SPEG: variants seen among roughly 807,000 people sequenced by gnomAD.
SPEG encodes the protein striated muscle enriched protein kinase.
Under a neutral mutation model 300.4 loss-of-function variants are expected in SPEG, and 114 were observed. That is an observed-to-expected ratio of 0.38 (90% CI 0.33 to 0.44). The LOEUF is 0.44. Among genes scored for constraint, SPEG ranks in the 20% least tolerant of loss-of-function variants. The probability of loss-of-function intolerance (pLI) is 1.00; values close to 1 mark genes in which losing one functional copy is unlikely to be tolerated. For missense variants in SPEG, 4,201 were observed against 4,586.2 expected (o/e 0.92, Z 2.43); for synonymous variants, 1,964 against 2,018.9 (o/e 0.97, Z 0.73).
intron 1 of SPEG, among the ~76,000 whole-genome samples, chr2:219,440,973 G>A (rs1263569624): frequency 1.3e-5 from 2 of 152,228 alleles, no homozygotes; most frequent in East Asian, 3.8e-4. Context: ...GAACCTGTAT[G>A]GCTTTGACTA....
intron 1 of SPEG, among the ~76,000 whole-genome samples, chr2:219,437,615 A>C (rs952727631): frequency 2.6e-5 from 4 of 151,736 alleles, no homozygotes; most frequent in Non-Finnish European, 1.5e-5. Context: ...GATTGTGTAG[A>C]TAGAAGGTGG....
intron 1 of SPEG, chr2:219,441,382 G>A (rs1037974860): frequency 2.7e-6 from 1 of 374,720 alleles, no homozygotes; most frequent in African/African-American, 2.1e-5. Flanking sequence ...TGGCTTTCTT[G>A]AGAAGCCTTA....
At position 219,451,744 on chromosome 2, in the gene SPEG, A is replaced by G; in HGVS notation, c.2377A>G (p.Met793Val). The part of the protein sequence containing the change: ...EARAADAGSY[M>V]ATATNELGQA... ...CAGGGCAGCAGATGCCGGGAGCTAT[A>G]TGGCCACCGCCACCAACGAGCTGGG... The change falls in exon 6 of 41, where the codon ATG becomes GTG. Residue 793 changes from methionine to valine, a missense_variant. Coordinates refer to ENST00000312358, the MANE Select transcript of SPEG (RefSeq NM_005876.5). The surrounding 1 kb of genome is among the most constrained non-coding windows in gnomAD (Gnocchi z 6.4). 28 of 1,559,486 alleles carry G rather than the reference A, an allele frequency of 1.8e-5. No individual in the cohort carries two copies. Among genetic ancestry groups the G allele is most frequent in the East Asian group, 2.4e-5 (1 of 41,574 alleles).
At position 219,481,244 on chromosome 2, in the gene SPEG, C is replaced by T; in HGVS notation, c.5370-60C>T. On this transcript the variant is annotated intron_variant, in intron 26 of 40. Transcript: ENST00000312358. This position sits in a 1 kb window ranked among gnomAD's most constrained non-coding sequence, Gnocchi z 5.4. ...TCCATCTGTCCCCAGCCCTGTGCCCCCACTGACATTCCCCTTTGTCCCCGC... is the reference window on the plus strand; with the variant it reads ...TCCATCTGTCCCCAGCCCTGTGCCCTCACTGACATTCCCCTTTGTCCCCGC... 2.6e-6 allele frequency: 4 copies of T among 1,564,896 alleles called. No individual in the cohort carries two copies. The highest frequency in any genetic ancestry group is 3.5e-6 in the Non-Finnish European group (4 of 1,144,588).
Position 219,484,718 on chromosome 2 carries a change from C to T in SPEG, c.7255C>T (p.Arg2419Trp), listed in dbSNP as rs938883935. 4.0e-6 allele frequency: 6 copies of T among 1,500,094 alleles called. No individual in the cohort carries two copies. In the South Asian group the frequency reaches 7.5e-5, roughly 19 times the overall value. 92.9% of individuals were successfully genotyped at this position (1,500,094 alleles called of 1,614,324 possible). ...GCTGTCACTGTCCCAGCGGCTGCGGCGGACCCCTCCCGCGCAGCGCCACCC... is the reference window on the plus strand; with the variant it reads ...GCTGTCACTGTCCCAGCGGCTGCGGTGGACCCCTCCCGCGCAGCGCCACCC... Reference protein sequence around the residue: ...LSLSLSQRLRRTPPAQRHPAW... With the variant: ...LSLSLSQRLRWTPPAQRHPAW... Residue 2419 changes from arginine (R) to tryptophan (W), a missense_variant, in exon 30 of 41, where the codon CGG becomes TGG. Coordinates refer to ENST00000312358, the MANE Select transcript of SPEG (RefSeq NM_005876.5).
In SPEG at chr2:219,477,646, C is replaced by T; in HGVS notation, c.4730-43C>T. On this transcript the variant is annotated intron_variant, in intron 20 of 40. Transcript: ENST00000312358. This position sits in a 1 kb window ranked among gnomAD's most constrained non-coding sequence, Gnocchi z 6.4. ...CCTGTCCCAGTCTCTGGCCTGCTTG[C>T]TTTCTTCCCCTCCCACCTAACACCA... 2 of 1,503,482 alleles carry T rather than the reference C, an allele frequency of 1.3e-6. No homozygotes were observed. The highest frequency in any genetic ancestry group is 1.8e-6 in the Non-Finnish European group (2 of 1,112,434). The allele number at this position is 1,503,482 out of a possible 1,614,324, so 93.1% of individuals were successfully genotyped here.
rs1247111993 is a variant in SPEG at position 219,459,658 on chromosome 2, C to T, written c.2441-2224C>T. ...TGCTTCCGTTCCCAGTCCCTGGGCC[C>T]GTGAGCCTCCTCAGTACTGTCCAGC... On this transcript the variant is annotated intron_variant, in intron 6 of 40. Transcript: ENST00000312358. This position sits in a 1 kb window ranked among gnomAD's most constrained non-coding sequence, Gnocchi z 4.9. Among the ~76,000 whole-genome samples, 1 of 152,218 alleles carries T rather than the reference C, an allele frequency of 6.6e-6. No individual in the cohort carries two copies. The highest frequency in any genetic ancestry group is 2.4e-5 in the African/African-American group (1 of 41,450).
At chr2:219,478,634 G>A (rs56194370) in intron 22 of SPEG, among the ~76,000 whole-genome samples, 1 of 152,162 alleles carries the variant, frequency 6.6e-6, no homozygotes, top group Non-Finnish European at 1.5e-5. Context: ...TAAGGATGCT[G>A]GGTGATTGGC....
chr2:219,474,086 A>C, intron 18 of SPEG, 183 bp downstream of exon 18: 1 of 644,286 alleles, frequency 1.6e-6, no homozygotes, highest in South Asian at 2.4e-5. Flanking sequence ...TCATACTAAC[A>C]AGATTTATTG....
Position 219,435,176 on chromosome 2 carries a change from A to G in SPEG, c.199A>G (p.Ser67Gly). ...CGACGTGCGGCTGCGGGTGGTGGTG[A>G]GCGGGACGCCCCAGCCCAGCCTCCG... ...GSDVRLRVVV[S>G]GTPQPSLRWF... Residue 67 changes from serine (S) to glycine (G), a missense_variant, in exon 1 of 41, where the codon AGC (serine) becomes GGC (glycine). Around this residue, in one of 4 missense-constraint regions of SPEG, gnomAD observed 1,258 missense variants for 1,293.9 expected, o/e 0.97. Transcript: ENST00000312358. The G allele has an allele frequency of 1.4e-6, 2 of 1,477,990 alleles. No individual in the cohort carries two copies. Among genetic ancestry groups the G allele is most frequent in the Non-Finnish European group, 1.8e-6 (2 of 1,123,884 alleles). 91.6% of individuals were successfully genotyped at this position (1,477,990 alleles called of 1,614,324 possible).
chr2:219,448,393 G>T lies in SPEG; in HGVS notation c.1235G>T (p.Arg412Leu). ...DKLQFFEERR[R>L]SLERSDSPPA... Reference sequence around the variant, plus strand: ...CTGCAGTTCTTCGAGGAGCGACGGCGCAGCCTGGAGCGCAGCGACTCGCCG... The same window carrying T: ...CTGCAGTTCTTCGAGGAGCGACGGCTCAGCCTGGAGCGCAGCGACTCGCCG... The change falls in exon 4 of 41, where the codon CGC (arginine) becomes CTC (leucine). Residue 412 changes from arginine (R) to leucine (L), a missense_variant. Physicochemically the swap from Arg to Leu is moderately radical, Grantham distance 102 (BLOSUM62 -2). Coordinates refer to ENST00000312358, the MANE Select transcript of SPEG (RefSeq NM_005876.5). The T allele has an allele frequency of 2.6e-6, 4 of 1,540,436 alleles. No homozygotes were observed. The highest frequency in any genetic ancestry group is 2.0e-4 in the Middle Eastern group (1 of 5,088).
In SPEG at chr2:219,458,928, G is replaced by A. The variant is rs1038328869; in HGVS notation, c.2441-2954G>A. Among the ~76,000 whole-genome samples, 1 of 152,190 alleles carries A rather than the reference G, an allele frequency of 6.6e-6. No individual in the cohort carries two copies. The highest frequency in any genetic ancestry group is 2.4e-5 in the African/African-American group (1 of 41,438). ...CATTCTGAGAAGCCCTGAAGCAAAG[G>A]GCTGTGTGCGACACCTTTTATGTAC... On this transcript the variant is annotated intron_variant, in intron 6 of 40. Coordinates refer to ENST00000312358, the MANE Select transcript of SPEG (RefSeq NM_005876.5). The surrounding 1 kb of genome is among the most constrained non-coding windows in gnomAD (Gnocchi z 4.2).
In SPEG at chr2:219,489,574, G is replaced by T. The variant is rs756182662; in HGVS notation, c.8556G>T (p.Leu2852=). 1 of 1,613,536 alleles carries T rather than the reference G, an allele frequency of 6.2e-7. No individual in the cohort carries two copies. Among genetic ancestry groups the T allele is most frequent in the South Asian group, 1.1e-5 (1 of 91,052 alleles). ...CCCCTCCACGAAGACACAGGGGCCT[G>T]CAGGCTGCCCGGCCAGCGGAGCCCA... ...PQTPPRRHRG[L]QAARPAEPTL... is the part of the protein sequence containing the mutation. Residue 2852 remains leucine, a synonymous_variant, in exon 36 of 41, where the codon CTG becomes CTT. Transcript: ENST00000312358.
intron 40 of SPEG, 88 bp downstream of exon 40, chr2:219,492,348 C>T (rs756305273): frequency 2.1e-6 from 3 of 1,439,490 alleles, no homozygotes; most frequent in Admixed American, 1.9e-5. Context: ...TCCCCTGCTC[C>T]TAGGAAGAAG....
rs1016379404 is a variant in SPEG at position 219,444,286 on chromosome 2, C to T, written c.389-367C>T. ...GACTTTAGAGCCTTGGAACCTAGGA[C>T]CTGATGATTTTGGGGCTGCACAGGG... On this transcript the variant is annotated intron_variant, in intron 1 of 40. Coordinates refer to ENST00000312358, the MANE Select transcript of SPEG (RefSeq NM_005876.5). This position sits in a 1 kb window ranked among gnomAD's most constrained non-coding sequence, Gnocchi z 7.8. Among the ~76,000 whole-genome samples, 2 of 152,128 alleles carry T rather than the reference C, an allele frequency of 1.3e-5. No individual in the cohort carries two copies. Among genetic ancestry groups the T allele is most frequent in the Non-Finnish European group, 2.9e-5 (2 of 68,034 alleles).
rs765353394 is a variant in SPEG, at chr2:219,484,191, C to G, written c.6728C>G (p.Thr2243Arg). The G allele has an allele frequency of 5.0e-6, 8 of 1,612,688 alleles. No homozygotes were observed. Among genetic ancestry groups the G allele is most frequent in the Middle Eastern group, 1.6e-4 (1 of 6,084 alleles). ...CTGCAAACCCTAGCGCTGCCCCTCACACCCTATGCTCAGATCATTCAGTCC... is the reference window on the plus strand; with the variant it reads ...CTGCAAACCCTAGCGCTGCCCCTCAGACCCTATGCTCAGATCATTCAGTCC... ...QALQTLALPL[T>R]PYAQIIQSLQ... is the part of the protein sequence containing the mutation. The change falls in exon 30 of 41, where the codon ACA becomes AGA. Residue 2243 changes from threonine to arginine, a missense_variant. Physicochemically the swap from Thr to Arg is moderately conservative, Grantham distance 71 (BLOSUM62 -1). Around this residue, in one of 4 missense-constraint regions of SPEG, gnomAD observed 1,578 missense variants for 1,506.0 expected, o/e 1.05. Transcript: ENST00000312358.
In SPEG at chr2:219,445,628, C is replaced by A. The variant is rs1689222331; in HGVS notation, c.815+467C>A. On this transcript the variant is annotated intron_variant, in intron 3 of 40. Transcript: ENST00000312358. This position sits in a 1 kb window ranked among gnomAD's most constrained non-coding sequence, Gnocchi z 6.1. ...ACAGAACCTTTCCACACGGCAGCTCCCGGGAGAGCAGGAGAGAGCAGGGGA... is the reference window on the plus strand; with the variant it reads ...ACAGAACCTTTCCACACGGCAGCTCACGGGAGAGCAGGAGAGAGCAGGGGA... The A allele has an allele frequency of 1.1e-5, 2 of 182,068 alleles. No homozygotes were observed. Among genetic ancestry groups the A allele is most frequent in the South Asian group, 2.1e-4 (2 of 9,508 alleles). The allele number at this position is 182,068 out of a possible 1,614,324, so 11.3% of individuals were successfully genotyped here. A position where few individuals can be genotyped will look rare whatever the true frequency, so the allele number is the denominator to read the frequency against.
At position 219,481,922 on chromosome 2, in the gene SPEG, C is replaced by G. The variant is rs1369871729; in HGVS notation, c.5565+242C>G. On this transcript the variant is annotated intron_variant, in intron 28 of 40. Coordinates refer to ENST00000312358, the MANE Select transcript of SPEG (RefSeq NM_005876.5). The surrounding 1 kb of genome is among the most constrained non-coding windows in gnomAD (Gnocchi z 5.4). ...TATACATACTGGACTCCAGGGCATA[C>G]GTCTGGACCTCTCCATCCTGGGCGT... 6.6e-6 allele frequency among the ~76,000 whole-genome samples: 1 copy of G among 152,208 alleles called. No homozygotes were observed. The highest frequency in any genetic ancestry group is 1.5e-5 in the Non-Finnish European group (1 of 68,044).
At position 219,491,867 on chromosome 2, in the gene SPEG, T is replaced by A; in HGVS notation, c.9459T>A (p.Ile3153=). Residue 3153 remains isoleucine (I), a splice_region_variant and synonymous_variant, in exon 39 of 41, where the codon ATT becomes ATA. Coordinates refer to ENST00000312358, the MANE Select transcript of SPEG (RefSeq NM_005876.5). ...DIWGAGVLTY[I]MLSGRSPFYE... ...GGGGAGCGGGTGTGCTCACTTACAT[T>A]ATGTGAGTGTCCCCTACCCCACCGC... 6.2e-7 allele frequency: 1 copy of A among 1,600,388 alleles called. No individual in the cohort carries two copies. Among genetic ancestry groups the A allele is most frequent in the Non-Finnish European group, 8.5e-7 (1 of 1,171,084 alleles).
Sources: allele counts gnomAD v4.1 joint callset (sites outside exome capture counted in the v4.1 genomes callset), GRCh38; gene constraint gnomAD v4.1.1; regional missense constraint gnomAD v4.1.1; non-coding constraint Gnocchi (gnomAD v3.1); transcripts MANE v1.5; gene names NCBI Gene and HGNC (gene_info 2026-07-23, HGNC 2026-07-21).